RBM7: variants seen among roughly 807,000 people sequenced by gnomAD.
RBM7 encodes the protein RNA binding motif protein 7.
Under a neutral mutation model 31.0 loss-of-function variants are expected in RBM7, and 13 were observed. That is an observed-to-expected ratio of 0.42 (90% CI 0.27 to 0.67). RBM7 has a LOEUF of 0.67. RBM7 is among the 30% of genes least tolerant of loss of function. The probability of loss-of-function intolerance (pLI) is 0.24; values close to 1 mark genes in which losing one functional copy is unlikely to be tolerated. For missense variants in RBM7, 245 were observed against 326.2 expected (o/e 0.75, Z 1.92); for synonymous variants, 106 against 111.2 (o/e 0.95, Z 0.30).
rs1260606459 is a variant in RBM7, at chr11:114,409,309, CTT to C, written c.*1503_*1504del. Reference sequence around the variant, plus strand: ...CAATGAGATTATTATTTTTGGGTATCTTATCCATATGAAAACTTAGTAGGTTT... The same window carrying C: ...CAATGAGATTATTATTTTTGGGTATCATCCATATGAAAACTTAGTAGGTTT... On this transcript the variant is annotated 3_prime_UTR_variant, in exon 5 of 5. Transcript: ENST00000375490. The C allele has an allele frequency of 6.6e-5, 10 of 151,946 alleles. No individual in the cohort carries two copies. The highest frequency in any genetic ancestry group is 2.4e-4 in the African/African-American group (10 of 41,384). 9.4% of individuals were successfully genotyped at this position (151,946 alleles called of 1,614,324 possible).
intron 3 of RBM7, among the ~76,000 whole-genome samples, chr11:114,403,137 C>T (rs1489693059): frequency 2.0e-5 from 3 of 152,066 alleles, no homozygotes; most frequent in South Asian, 2.1e-4. Flanking sequence ...AGAATAGATA[C>T]GTATATAACT....
At position 114,401,550 on chromosome 11, in the gene RBM7, A is replaced by G. The variant is rs1245200144; in HGVS notation, c.97-148A>G. 1.8e-5 allele frequency: 12 copies of G among 669,484 alleles called. 1 individual carries two copies. In the Middle Eastern group the frequency reaches 2.1e-3, roughly 117 times the overall value. The allele number at this position is 669,484 out of a possible 1,614,324, so 41.5% of individuals were successfully genotyped here. A position where few individuals can be genotyped will look rare whatever the true frequency, so the allele number is the denominator to read the frequency against. On this transcript the variant is annotated intron_variant, in intron 1 of 4. Transcript: ENST00000375490. ...CAGTCATAACTAGGATGTTTACTGT[A>G]GCCAAAATGGAAATCCGTGCATCAT... is the stretch of plus-strand genomic sequence containing the variant.
Position 114,409,736 on chromosome 11 carries a change from A to C in RBM7, c.*1929A>C, listed in dbSNP as rs563711536. 4 of 152,268 alleles carry C rather than the reference A, an allele frequency of 2.6e-5. No homozygotes were observed. The East Asian group carries it at 7.7e-4, about 29-fold the overall frequency. The allele number at this position is 152,268 out of a possible 1,614,324, so 9.4% of individuals were successfully genotyped here. A position where few individuals can be genotyped will look rare whatever the true frequency, so the allele number is the denominator to read the frequency against. ...TTATATTGGTTAACAGATGACCCTG[A>C]CTCAGAATAATCTTTTTCAATGGCT... On this transcript the variant is annotated 3_prime_UTR_variant, in exon 5 of 5. Transcript: ENST00000375490.
chr11:114,404,577 C>T (rs934654411), intron 3 of RBM7, among the ~76,000 whole-genome samples: 7 of 151,956 alleles, frequency 4.6e-5, no homozygotes, highest in African/African-American at 1.5e-4. Flanking sequence ...GTGACCCATT[C>T]GTATAGTCCC....
intron 3 of RBM7, 114 bp downstream of exon 3, chr11:114,403,029 C>T (rs893463143): frequency 6.4e-6 from 6 of 930,336 alleles, no homozygotes; most frequent in Admixed American, 2.0e-5. Flanking sequence ...TTCATTCTGC[C>T]GTTATTACTT....
chr11:114,408,822 T>C lies in RBM7; in HGVS notation c.*1015T>C, dbSNP rs1471380323. On this transcript the variant is annotated 3_prime_UTR_variant, in exon 5 of 5. Coordinates refer to ENST00000375490, the MANE Select transcript of RBM7 (RefSeq NM_001286045.2). ...GTTTTCATTTCATTACAGAATTGTT[T>C]ATAAAAGTTCATTTGTTGAAAAATA... The C allele has an allele frequency of 2.0e-5, 3 of 152,206 alleles. No individual in the cohort carries two copies. Among genetic ancestry groups the C allele is most frequent in the African/African-American group, 7.2e-5 (3 of 41,450 alleles). 9.4% of individuals were successfully genotyped at this position (152,206 alleles called of 1,614,324 possible). A position where few individuals can be genotyped will look rare whatever the true frequency, so the allele number is the denominator to read the frequency against.
At chr11:114,400,792 G>A (rs1391479135) in intron 1 of RBM7, 25 bp downstream of exon 1, 1 of 1,613,686 alleles carries the variant, frequency 6.2e-7, no homozygotes, top group Non-Finnish European at 8.5e-7. Flanking sequence ...TCGGCCCTTT[G>A]CCTTTCGTTT....
rs939082365 is a variant in RBM7, at chr11:114,410,199, G to A, written c.*2392G>A. The A allele has an allele frequency of 4.0e-5, 6 of 151,540 alleles. No individual in the cohort carries two copies. The highest frequency in any genetic ancestry group is 9.7e-5 in the African/African-American group (4 of 41,196). 9.4% of individuals were successfully genotyped at this position (151,540 alleles called of 1,614,324 possible). A position where few individuals can be genotyped will look rare whatever the true frequency, so the allele number is the denominator to read the frequency against. ...AACAGTTTCTCCCATAGTGTTTCCT[G>A]TGGAATGCTAGTGTCTCATAAAGTC... On this transcript the variant is annotated 3_prime_UTR_variant, in exon 5 of 5. Coordinates refer to ENST00000375490, the MANE Select transcript of RBM7 (RefSeq NM_001286045.2).
intron 3 of RBM7, among the ~76,000 whole-genome samples, chr11:114,403,595 A>T (rs2135351792): frequency 6.6e-6 from 1 of 152,342 alleles, no homozygotes; most frequent in Non-Finnish European, 1.5e-5. Context: ...AAGCTATTTA[A>T]CAGTCATTTA....
At chr11:114,406,058 A>G in intron 4 of RBM7, 1 of 348,436 alleles carries the variant, frequency 2.9e-6, no homozygotes, top group Non-Finnish European at 5.2e-6. Flanking sequence ...GATAAATAGA[A>G]GTAAAACTGC....
At chr11:114,407,281 C>G in intron 4 of RBM7, 164 bp from the exon 5 acceptor site, 4 of 625,370 alleles carry the variant, frequency 6.4e-6, no homozygotes. Flanking sequence ...ATATATGTAT[C>G]TTGTAGGTAT....
chr11:114,407,833 A>G lies in RBM7; in HGVS notation c.*26A>G, dbSNP rs376509824. 7.0e-6 allele frequency: 11 copies of G among 1,567,724 alleles called. No homozygotes were observed. In the African/African-American group the frequency reaches 8.1e-5, roughly 12 times the overall value. Reference sequence around the variant, plus strand: ...CACATGTTAAAAGGACATTGTTTTTATAGGGTCATTTTAGGCCCTTTGACT... The same window carrying G: ...CACATGTTAAAAGGACATTGTTTTTGTAGGGTCATTTTAGGCCCTTTGACT... On this transcript the variant is annotated 3_prime_UTR_variant, in exon 5 of 5. Transcript: ENST00000375490.
intron 1 of RBM7, 98 bp downstream of exon 1, chr11:114,400,865 C>A: frequency 7.2e-7 from 1 of 1,392,708 alleles, no homozygotes; most frequent in East Asian, 2.4e-5. Context: ...GTCAGGGGAC[C>A]CGACGGGTGG....
At position 114,407,731 on chromosome 11, in the gene RBM7, A is replaced by G. The variant is rs764638996; in HGVS notation, c.728A>G (p.His243Arg). The G allele has an allele frequency of 3.1e-6, 5 of 1,613,836 alleles. No individual in the cohort carries two copies. Among genetic ancestry groups the G allele is most frequent in the South Asian group, 1.1e-5 (1 of 90,890 alleles). Reference protein sequence around the residue: ...RDDFFYEDRNHDDWSHDYDNR... With the variant: ...RDDFFYEDRNRDDWSHDYDNR... ...GATTTCTTCTATGAAGACAGGAATCATGATGACTGGAGCCATGACTATGAT... is the reference window on the plus strand; with the variant it reads ...GATTTCTTCTATGAAGACAGGAATCGTGATGACTGGAGCCATGACTATGAT... Residue 243 changes from histidine to arginine, a missense_variant, in exon 5 of 5, where the codon CAT (histidine) becomes CGT (arginine). Physicochemically the swap from His to Arg is conservative, Grantham distance 29. Transcript: ENST00000375490.
At chr11:114,406,005 T>C (rs1298421324) in intron 4 of RBM7, 3 of 477,056 alleles carry the variant, frequency 6.3e-6, no homozygotes, top group Non-Finnish European at 1.1e-5. Flanking sequence ...TGAGCACTCA[T>C]TTTAGTTTTC....
At position 114,408,219 on chromosome 11, in the gene RBM7, CTT is replaced by C. The variant is rs1946293062; in HGVS notation, c.*415_*416del. 6.5e-6 allele frequency: 1 copy of C among 153,676 alleles called. No individual in the cohort carries two copies. The highest frequency in any genetic ancestry group is 2.4e-5 in the African/African-American group (1 of 41,428). The allele number at this position is 153,676 out of a possible 1,614,324, so 9.5% of individuals were successfully genotyped here. ...TATTTTAGTTAATTCAAAAATGAAA[CTT>C]TTCAGTGATTCACTTTACTAACATT... On this transcript the variant is annotated 3_prime_UTR_variant, in exon 5 of 5. Coordinates refer to ENST00000375490, the MANE Select transcript of RBM7 (RefSeq NM_001286045.2).
At chr11:114,407,148 A>C in intron 4 of RBM7, 1 of 243,348 alleles carries the variant, frequency 4.1e-6, no homozygotes, top group East Asian at 8.3e-5. Context: ...CCTTCATGAA[A>C]CCTTTCCTAA....
chr11:114,401,727 A>G lies in RBM7; in HGVS notation c.126A>G (p.Pro42=), dbSNP rs776308132. The G allele has an allele frequency of 1.3e-6, 2 of 1,553,146 alleles. No homozygotes were observed. Among genetic ancestry groups the G allele is most frequent in the Non-Finnish European group, 1.7e-6 (2 of 1,157,800 alleles). The change falls in exon 2 of 5, where the codon CCA becomes CCG. Residue 42 remains proline, a synonymous_variant. Coordinates refer to ENST00000375490, the MANE Select transcript of RBM7 (RefSeq NM_001286045.2). ...GGCCAGTAATAAAGGTGAAAATTCC[A>G]AAAGATAAGGATGGTAAACCAAAGC... ...QAGPVIKVKI[P]KDKDGKPKQF...
chr11:114,400,975 G>A (rs1446894760), intron 1 of RBM7, among the ~76,000 whole-genome samples: 1 of 152,126 alleles, frequency 6.6e-6, no homozygotes, highest in Non-Finnish European at 1.5e-5. Flanking sequence ...GACGACTAAA[G>A]GTGGTGGAGG....
Sources: gnomAD v4.1 joint callset for allele counts (sites outside exome capture counted in the v4.1 genomes callset) on GRCh38, gnomAD v4.1.1 for gene constraint, MANE v1.5 for transcripts, NCBI Gene and HGNC (gene_info 2026-07-23, HGNC 2026-07-21) for gene names.